The following MROH2B variants were observed in gnomAD, a reference collection of about 807,000 sequenced individuals.
MROH2B encodes the protein maestro heat like repeat family member 2B, also known as maestro heat-like repeat-containing protein family member 2B.
Under a neutral mutation model 208.6 loss-of-function variants are expected in MROH2B, and 177 were observed. That is an observed-to-expected ratio of 0.85 (90% CI 0.75 to 0.96). The LOEUF (loss-of-function observed/expected upper bound fraction) is 0.96, where lower values mean the gene tolerates loss of function less well. Ranked by LOEUF, MROH2B falls within the 40% of genes least tolerant of loss-of-function variation. The pLI is 0.00. For missense variants in MROH2B, 2,002 were observed against 1,878.7 expected (o/e 1.07, Z -1.21); for synonymous variants, 728 against 659.0 (o/e 1.10, Z -1.60).
rs187847442 is a variant in MROH2B at position 41,010,463 on chromosome 5, C to T, written c.3136-384G>A. The stretch of plus-strand genomic sequence containing the variant: ...ATGGTATACATGAGGTGCATACAAC[C>T]GACAGGGGAATCCAGGAGGAACTGA... On this transcript the variant is annotated intron_variant, in intron 30 of 41. Coordinates refer to ENST00000399564, the MANE Select transcript of MROH2B (RefSeq NM_173489.5). 6.6e-5 allele frequency among the ~76,000 whole-genome samples: 10 copies of T among 152,186 alleles called. No individual in the cohort carries two copies. In the East Asian group the frequency reaches 9.7e-4, roughly 15 times the overall value.
rs370962710 is a variant in MROH2B, at chr5:41,042,134, C to G, written c.1911G>C (p.Lys637Asn). The G allele has an allele frequency of 9.1e-5, 146 of 1,596,872 alleles. No homozygotes were observed. Among genetic ancestry groups the G allele is most frequent in the Non-Finnish European group, 1.2e-4 (138 of 1,171,100 alleles). The change falls in exon 19 of 42, where the codon AAG becomes AAC. Residue 637 changes from lysine (K) to asparagine (N), a missense_variant. Physicochemically the swap from Lys to Asn is moderately conservative, Grantham distance 94. Transcript: ENST00000399564. Reference sequence around the variant, plus strand: ...GTTGGTTGGGAGCAGTCAGAAACTCCTTAATCTGTGAGTTTACAAAGTCTG... The same window carrying G: ...GTTGGTTGGGAGCAGTCAGAAACTCGTTAATCTGTGAGTTTACAAAGTCTG... ...QDSDFVNSQI[K>N]EFLTAPNQLG... is the part of the protein sequence containing the mutation.
chr5:41,038,885 G>A lies in MROH2B; in HGVS notation c.2065C>T (p.Leu689Phe), dbSNP rs1213808918. 2.5e-6 allele frequency: 4 copies of A among 1,602,308 alleles called. No homozygotes were observed. Among genetic ancestry groups the A allele is most frequent in the African/African-American group, 1.3e-5 (1 of 74,280 alleles). The change falls in exon 21 of 42, where the codon CTT (leucine) becomes TTT (phenylalanine). Residue 689 changes from leucine to phenylalanine, a missense_variant. Transcript: ENST00000399564. The stretch of plus-strand genomic sequence containing the variant: ...GTCAGGCTCTTTTTCCCAGAAAAAA[G>A]GCTCTGAAGACCAGGAAAGGGAGAC... ...EKFFMNRCKSLFSGKKSLTKT... is the reference protein window; with the variant it reads ...EKFFMNRCKSFFSGKKSLTKT...
At chr5:41,009,795 A>AAC in intron 31 of MROH2B, 127 bp downstream of exon 31, 1 of 856,076 alleles carries the variant, frequency 1.2e-6, no homozygotes, top group Non-Finnish European at 1.7e-6. Context: ...ACCAATTGTT[A>AAC]AATTGTTATT....
At position 41,018,687 on chromosome 5, in the gene MROH2B, T is replaced by G; in HGVS notation, c.2673+4A>C. On this transcript the variant is annotated splice_donor_region_variant and intron_variant, in intron 26 of 41. Transcript: ENST00000399564. ...GAATCAGTTTGAGTGGAGGCTCTAC[T>G]CACATTAAACATTTCTTGACAGTCC... 1 of 1,613,620 alleles carries G rather than the reference T, an allele frequency of 6.2e-7. No homozygotes were observed. Among genetic ancestry groups the G allele is most frequent in the Non-Finnish European group, 8.5e-7 (1 of 1,179,636 alleles).
chr5:41,020,035 T>C (rs1424659002), intron 24 of MROH2B, among the ~76,000 whole-genome samples: 2 of 152,168 alleles, frequency 1.3e-5, no homozygotes, highest in African/African-American at 4.8e-5. Flanking sequence ...CATTAGAGAT[T>C]AGTTTTCAAG....
chr5:41,033,754 C>T, intron 22 of MROH2B, 84 bp downstream of exon 22: 1 of 1,121,750 alleles, frequency 8.9e-7, no homozygotes, highest in Non-Finnish European at 1.3e-6. Flanking sequence ...AAAAGGACAT[C>T]TTTGCTTGGC....
At chr5:41,037,243 C>T (rs1384564353) in intron 21 of MROH2B, among the ~76,000 whole-genome samples, 1 of 151,944 alleles carries the variant, frequency 6.6e-6, no homozygotes, top group African/African-American at 2.4e-5. Flanking sequence ...TGAGATTACA[C>T]GCTTAAAAAA....
chr5:41,045,678 A>G, intron 18 of MROH2B, 68 bp downstream of exon 18: 1 of 1,148,710 alleles, frequency 8.7e-7, no homozygotes, highest in East Asian at 2.4e-5. Context: ...TACAGACAAG[A>G]TGGAGCTAGA....
At chr5:41,049,705 C>T (rs761545452) in intron 13 of MROH2B, among the ~76,000 whole-genome samples, 4 of 152,040 alleles carry the variant, frequency 2.6e-5, no homozygotes, top group Non-Finnish European at 4.4e-5. Flanking sequence ...AGGGACTGCT[C>T]GAGACACTAG....
chr5:41,025,668 C>A (rs1178819274), intron 24 of MROH2B, among the ~76,000 whole-genome samples: 5 of 152,098 alleles, frequency 3.3e-5, no homozygotes, highest in African/African-American at 1.2e-4. Context: ...AGAGGGAATC[C>A]TCCCTAACTC....
chr5:41,047,648 T>C lies in MROH2B; in HGVS notation c.1728+73A>G, dbSNP rs953512958. The C allele has an allele frequency of 6.6e-6, 9 of 1,360,496 alleles. No homozygotes were observed. The African/African-American group carries it at 1.2e-4, about 18-fold the overall frequency. 84.3% of individuals were successfully genotyped at this position (1,360,496 alleles called of 1,614,324 possible). On this transcript the variant is annotated intron_variant, in intron 17 of 41. Transcript: ENST00000399564. ...TATTATCCTCAGGAATCTAGTTCCT[T>C]TAATTTAGGATGGGTAACTTCAGCT...
In MROH2B at chr5:41,021,345, T is replaced by A. The variant is rs150904331; in HGVS notation, c.2442-2327A>T. Among the ~76,000 whole-genome samples the A allele has an allele frequency of 1.5e-3, 228 of 152,342 alleles. 2 individuals are homozygous for A. The East Asian group carries it at 0.015, about 10-fold the overall frequency. ...CACGAATTAAACAATATTGTAAAGA[T>A]GACTAGATCTTAATATCATTAAGAA... On this transcript the variant is annotated intron_variant, in intron 24 of 41. Coordinates refer to ENST00000399564, the MANE Select transcript of MROH2B (RefSeq NM_173489.5).
At chr5:41,003,460 A>C (rs1200734110) in intron 37 of MROH2B, among the ~76,000 whole-genome samples, 1 of 152,208 alleles carries the variant, frequency 6.6e-6, no homozygotes, top group Non-Finnish European at 1.5e-5. Context: ...AAAATTAAAA[A>C]AAATAATGGA....
At chr5:41,025,618 C>T (rs10036522) in intron 24 of MROH2B, among the ~76,000 whole-genome samples, 10,928 of 151,928 alleles carry the variant, frequency 0.072, 402 homozygotes, top group African/African-American at 0.092. Context: ...AAGGAGGAGC[C>T]GGTACCATTC....
intron 32 of MROH2B, 103 bp from the exon 33 acceptor site, chr5:41,008,896 C>T: frequency 1.7e-6 from 2 of 1,180,622 alleles, no homozygotes; most frequent in Admixed American, 4.9e-5. Context: ...AGTAAAAACA[C>T]ACAGAAAAGG....
chr5:41,030,178 AG>A (rs1189301608), intron 24 of MROH2B, among the ~76,000 whole-genome samples: 1 of 152,130 alleles, frequency 6.6e-6, no homozygotes, highest in East Asian at 1.9e-4. Flanking sequence ...TCTCCAAAAA[AG>A]ATATACAAAC....
At chr5:41,034,664 C>T (rs561630423) in intron 21 of MROH2B, among the ~76,000 whole-genome samples, 56 of 151,930 alleles carry the variant, frequency 3.7e-4, no homozygotes, top group Admixed American at 5.9e-4. Context: ...AAAAAGATTC[C>T]TATTCACTGG....
rs1741629196 is a variant in MROH2B at position 41,007,366 on chromosome 5, T to A, written c.3697A>T (p.Thr1233Ser). ...TGGGTACTAGGACTGCTGAGTAGAG[T>A]CCATAAGTTGTCCCCCTCATCAGAT... Reference protein sequence around the residue: ...KESDEGDNLWTLLSSPSTHHI... With the variant: ...KESDEGDNLWSLLSSPSTHHI... The change falls in exon 34 of 42, where the codon ACT (threonine) becomes TCT (serine). Residue 1233 changes from threonine (T) to serine (S), a missense_variant. Physicochemically the swap from Thr to Ser is moderately conservative, Grantham distance 58. Coordinates refer to ENST00000399564, the MANE Select transcript of MROH2B (RefSeq NM_173489.5). 1 of 1,546,672 alleles carries A rather than the reference T, an allele frequency of 6.5e-7. No individual in the cohort carries two copies. The highest frequency in any genetic ancestry group is 8.7e-7 in the Non-Finnish European group (1 of 1,144,080).
intron 6 of MROH2B, among the ~76,000 whole-genome samples, chr5:41,058,441 C>T (rs1027313508): frequency 4.0e-4 from 60 of 151,642 alleles, no homozygotes; most frequent in African/African-American, 1.3e-3. Flanking sequence ...AATACTTGCC[C>T]TTCTCTCCTA....
Sources: allele counts gnomAD v4.1 joint callset (sites outside exome capture counted in the v4.1 genomes callset), GRCh38; gene constraint gnomAD v4.1.1; transcripts MANE v1.5; gene names NCBI Gene and HGNC (gene_info 2026-07-23, HGNC 2026-07-21).